Variants in RALYL observed in about 807,000 individuals in gnomAD.
The protein encoded by RALYL is RALY RNA binding protein like.
In RALYL, 29 loss-of-function variants were observed where a neutral mutation model predicts 35.1. The observed-to-expected ratio is 0.83, with a 90% CI of 0.61 to 1.13. The LOEUF is 1.13. Among genes scored for constraint, RALYL ranks in the 50% most tolerant of loss-of-function variants. RALYL has a pLI of 0.00. For missense variants in RALYL, 359 were observed against 360.4 expected (o/e 1.00, Z 0.03); for synonymous variants, 120 against 127.6 (o/e 0.94, Z 0.40).
chr8:84,231,378 TA>T (rs1825304203), intron 1 of RALYL, among the ~76,000 whole-genome samples: 1 of 152,200 alleles, frequency 6.6e-6, no homozygotes, highest in African/African-American at 2.4e-5. Flanking sequence ...GTATGACTTT[TA>T]TTCACATTAA....
chr8:84,349,894 C>G (rs553632680), intron 1 of RALYL, among the ~76,000 whole-genome samples: 1 of 150,258 alleles, frequency 6.7e-6, no homozygotes, highest in South Asian at 2.1e-4. Flanking sequence ...TCATTTTGGT[C>G]ATCATTGTCT....
At chr8:84,407,948 A>G (rs1327572423) in intron 1 of RALYL, among the ~76,000 whole-genome samples, 1 of 152,100 alleles carries the variant, frequency 6.6e-6, no homozygotes, top group Non-Finnish European at 1.5e-5. Context: ...GCAAGTGGCA[A>G]GACTAGAATA....
intron 2 of RALYL, among the ~76,000 whole-genome samples, chr8:84,772,860 G>A (rs1187064637): frequency 2.6e-5 from 4 of 152,052 alleles, no homozygotes; most frequent in Non-Finnish European, 5.9e-5. Context: ...ATTATATAAA[G>A]TTTAATATAG....
chr8:84,735,752 G>A (rs1272049559), intron 2 of RALYL, among the ~76,000 whole-genome samples: 2 of 150,914 alleles, frequency 1.3e-5, no homozygotes, highest in Non-Finnish European at 2.9e-5. Flanking sequence ...TTGCAAGGAC[G>A]ATTTTACTAT....
intron 2 of RALYL, among the ~76,000 whole-genome samples, chr8:84,638,300 A>C (rs1825489872): frequency 6.6e-6 from 1 of 151,986 alleles, no homozygotes; most frequent in Non-Finnish European, 1.5e-5. Context: ...CTTCTGGGAC[A>C]CAGCAAGTGT....
intron 1 of RALYL, among the ~76,000 whole-genome samples, chr8:84,482,955 C>T (rs927324519): frequency 4.6e-5 from 7 of 152,048 alleles, no homozygotes; most frequent in Non-Finnish European, 7.4e-5. Context: ...TTGTTAGATA[C>T]AGAATATAAA....
At chr8:84,524,305 T>C (rs186436782) in intron 1 of RALYL, among the ~76,000 whole-genome samples, 2 of 152,236 alleles carry the variant, frequency 1.3e-5, no homozygotes, top group South Asian at 2.1e-4. Context: ...TGAACAGACA[T>C]TTCTCAAAAG....
At chr8:84,321,217 TC>T (rs769982162) in intron 1 of RALYL, among the ~76,000 whole-genome samples, 24 of 152,122 alleles carry the variant, frequency 1.6e-4, no homozygotes, top group Non-Finnish European at 2.9e-4. Flanking sequence ...GGACTTACAG[TC>T]TTTGCTTCAA....
At chr8:84,536,299 G>A (rs1234652807) in intron 2 of RALYL, among the ~76,000 whole-genome samples, 26 of 152,146 alleles carry the variant, frequency 1.7e-4, no homozygotes, top group Admixed American at 1.7e-3. Flanking sequence ...TTACTCAGAG[G>A]CTCAGGACGA....
At chr8:84,671,592 C>T (rs1268958215) in intron 2 of RALYL, among the ~76,000 whole-genome samples, 1 of 152,206 alleles carries the variant, frequency 6.6e-6, no homozygotes, top group Admixed American at 6.5e-5. Context: ...CACTCACAGA[C>T]TCAACACCAC....
chr8:84,555,185 A>C (rs2061022797), intron 2 of RALYL, among the ~76,000 whole-genome samples: 2 of 152,324 alleles, frequency 1.3e-5, no homozygotes, highest in South Asian at 4.1e-4. Flanking sequence ...AGGCTGAGGC[A>C]GGAGAATCGC....
At chr8:84,425,110 T>A (rs949734969) in intron 1 of RALYL, among the ~76,000 whole-genome samples, 1 of 152,246 alleles carries the variant, frequency 6.6e-6, no homozygotes, top group Non-Finnish European at 1.5e-5. Context: ...TTTGTTTACC[T>A]AAGCAAGCCT....
chr8:84,585,022 T>C (rs1811680109), intron 2 of RALYL, among the ~76,000 whole-genome samples: 1 of 152,204 alleles, frequency 6.6e-6, no homozygotes, highest in Non-Finnish European at 1.5e-5. Context: ...TCTGCCTCAC[T>C]AGCTGTTCAG....
intron 2 of RALYL, among the ~76,000 whole-genome samples, chr8:84,731,958 C>G (rs532727253): frequency 6.6e-6 from 1 of 152,134 alleles, no homozygotes; most frequent in Admixed American, 6.6e-5. Context: ...AAAACATTCT[C>G]TAGTCCTCAT....
chr8:84,451,180 C>CT (rs2049433325), intron 1 of RALYL, among the ~76,000 whole-genome samples: 1 of 151,956 alleles, frequency 6.6e-6, no homozygotes, highest in Admixed American at 6.6e-5. Context: ...CTTGAATTCA[C>CT]TTTTTTGTTC....
rs935144510 is a variant in RALYL at position 84,921,572 on chromosome 8, T to C, written c.*661T>C. ...CTGAACTAAATGATCCAATTATTAC[T>C]TCAGTCTGGGTATGAGATTCCATGG... On this transcript the variant is annotated 3_prime_UTR_variant, in exon 9 of 9. Transcript: ENST00000521268. 1.3e-5 allele frequency: 2 copies of C among 152,164 alleles called. No homozygotes were observed. The highest frequency in any genetic ancestry group is 2.9e-5 in the Non-Finnish European group (2 of 68,008). The allele number at this position is 152,164 out of a possible 1,614,324, so 9.4% of individuals were successfully genotyped here.
chr8:84,523,639 A>G (rs933374339), intron 1 of RALYL, among the ~76,000 whole-genome samples: 79 of 140,738 alleles, frequency 5.6e-4, no homozygotes, highest in South Asian at 2.0e-3. Flanking sequence ...AGCATTAGGT[A>G]TATCTCCCAA....
intron 1 of RALYL, among the ~76,000 whole-genome samples, chr8:84,419,517 C>G (rs1177630017): frequency 1.3e-5 from 2 of 151,798 alleles, no homozygotes; most frequent in Non-Finnish European, 2.9e-5. Flanking sequence ...TCTATTAGAA[C>G]TGCTACTACA....
intron 2 of RALYL, among the ~76,000 whole-genome samples, chr8:84,558,782 G>A (rs746388242): frequency 3.3e-5 from 5 of 152,112 alleles, no homozygotes; most frequent in Non-Finnish European, 7.4e-5. Context: ...AAATTTCAGT[G>A]AGGATTGTCC....
Sources: gnomAD v4.1 joint callset for allele counts (sites outside exome capture counted in the v4.1 genomes callset) on GRCh38, gnomAD v4.1.1 for gene constraint, MANE v1.5 for transcripts, NCBI Gene and HGNC (gene_info 2026-07-23, HGNC 2026-07-21) for gene names.